Variants in FAM117A observed in about 807,000 individuals in gnomAD.
The protein encoded by FAM117A is family with sequence similarity 117 member A.
In FAM117A, 21 loss-of-function variants were observed where a neutral mutation model predicts 44.1. That is an observed-to-expected ratio of 0.48 (90% CI 0.34 to 0.69). The LOEUF (loss-of-function observed/expected upper bound fraction) is 0.69. FAM117A is among the 30% of genes least tolerant of loss of function. The pLI is 0.01. For synonymous variants in FAM117A, 220 were observed against 238.3 expected (o/e 0.92, Z 0.71); for missense variants, 498 against 589.9 (o/e 0.84, Z 1.61).
chr17:49,779,745 C>A (rs533829697), intron 1 of FAM117A, among the ~76,000 whole-genome samples: 1 of 152,304 alleles, frequency 6.6e-6, no homozygotes, highest in South Asian at 2.1e-4. Context: ...TGGATATATA[C>A]ATATCCTTGA....
chr17:49,711,636 G>A, intron 7 of FAM117A, 81 bp from the exon 8 acceptor site: 1 of 1,349,608 alleles, frequency 7.4e-7, no homozygotes. Flanking sequence ...AGATGTCACA[G>A]CATCAAGGCA....
At chr17:49,738,445 T>C (rs1229778956) in intron 1 of FAM117A, among the ~76,000 whole-genome samples, 2 of 151,962 alleles carry the variant, frequency 1.3e-5, no homozygotes, top group African/African-American at 4.8e-5. Context: ...GGGGAAAGGA[T>C]TGAGGAGAAA....
At chr17:49,779,172 A>C (rs2073782706) in intron 1 of FAM117A, among the ~76,000 whole-genome samples, 1 of 152,214 alleles carries the variant, frequency 6.6e-6, no homozygotes, top group South Asian at 2.1e-4. Context: ...AGTTAGCCAG[A>C]AGACAGACCA....
chr17:49,729,659 C>A (rs569781193), intron 2 of FAM117A, among the ~76,000 whole-genome samples: 2 of 152,066 alleles, frequency 1.3e-5, no homozygotes, highest in African/African-American at 4.8e-5. Context: ...ATGTGAGTCA[C>A]CATGCCCAGC....
rs1214839543 is a variant in FAM117A at position 49,711,417 on chromosome 17, G to A, written c.1200C>T (p.Asn400=). 3.7e-6 allele frequency: 6 copies of A among 1,613,568 alleles called. No homozygotes were observed. The South Asian group carries it at 6.6e-5, about 18-fold the overall frequency. ...LFPGMGFIFR[N]CPSNPGSPLP... ...GGGGAGATCCCGGGTTTGAGGGGCA[G>A]TTACGGAAGATGAAGCCCATGCCGG... Residue 400 remains asparagine, a synonymous_variant, in exon 8 of 8, where the codon AAC becomes AAT. Coordinates refer to ENST00000240364, the MANE Select transcript of FAM117A (RefSeq NM_030802.4).
chr17:49,788,792 C>T (rs757319366), upstream of FAM117A: 39 of 1,565,760 alleles, frequency 2.5e-5, 2 homozygotes, highest in South Asian at 4.2e-4. Flanking sequence ...CTGCTGCTGC[C>T]GCCGCTGCCC....
intron 7 of FAM117A, among the ~76,000 whole-genome samples, chr17:49,715,814 C>T (rs780743253): frequency 6.6e-6 from 1 of 152,144 alleles, no homozygotes; most frequent in East Asian, 1.9e-4. Context: ...CCATCTCTCG[C>T]TCTCGCTCTC....
chr17:49,734,314 C>T (rs1286848314), intron 1 of FAM117A, among the ~76,000 whole-genome samples: 2 of 151,242 alleles, frequency 1.3e-5, no homozygotes, highest in African/African-American at 2.4e-5. Flanking sequence ...ACACTAGGGC[C>T]GGGCGCAGTG....
chr17:49,770,740 C>CA (rs1281964263), intron 1 of FAM117A, among the ~76,000 whole-genome samples: 7 of 150,940 alleles, frequency 4.6e-5, no homozygotes, highest in African/African-American at 1.5e-4. Context: ...CCTGTCTCTA[C>CA]AAAAAATACA....
At chr17:49,765,870 C>A (rs1330020644), upstream of FAM117A, among the ~76,000 whole-genome samples, 1 of 152,132 alleles carries the variant, frequency 6.6e-6, no homozygotes, top group Non-Finnish European at 1.5e-5. Flanking sequence ...ATCCTCATGA[C>A]AATCTGGAAA....
intron 1 of FAM117A, among the ~76,000 whole-genome samples, chr17:49,733,609 G>C (rs968140034): frequency 3.9e-5 from 6 of 151,956 alleles, no homozygotes; most frequent in African/African-American, 1.5e-4. Flanking sequence ...GGAGGTGGAG[G>C]CTGCAGTGAG....
At chr17:49,745,123 A>C (rs2073650102) in intron 1 of FAM117A, among the ~76,000 whole-genome samples, 1 of 152,036 alleles carries the variant, frequency 6.6e-6, no homozygotes, top group Non-Finnish European at 1.5e-5. Context: ...TACAGAACCC[A>C]CAGATACAGA....
At chr17:49,749,943 A>C (rs1046137492) in intron 1 of FAM117A, among the ~76,000 whole-genome samples, 2 of 148,814 alleles carry the variant, frequency 1.3e-5, no homozygotes, top group African/African-American at 2.4e-5. Context: ...CTGATCACTT[A>C]ACTTCTCTGG....
At position 49,758,638 on chromosome 17, in the gene FAM117A, A is replaced by AAAT. The variant is rs1555598068; in HGVS notation, c.196+5253_196+5254insATT. On this transcript the variant is annotated intron_variant, in intron 1 of 7. Transcript: ENST00000240364. The stretch of plus-strand genomic sequence containing the variant: ...GACTGTCTCAAAAAAAAAAAAAAAT[A>AAAT]AAATAAATAAATAAATAAATAAATA... Among the ~76,000 whole-genome samples the AAAT allele has an allele frequency of 9.9e-4, 134 of 135,196 alleles. 1 individual carries two copies. The highest frequency in any genetic ancestry group is 3.7e-3 in the Middle Eastern group (1 of 270). The allele number at this position is 135,196 out of a possible 152,430, so 88.7% of individuals were successfully genotyped here. A position where few individuals can be genotyped will look rare whatever the true frequency, so the allele number is the denominator to read the frequency against.
intron 2 of FAM117A, among the ~76,000 whole-genome samples, chr17:49,724,166 A>T (rs1283221201): frequency 6.6e-6 from 1 of 152,144 alleles, no homozygotes; most frequent in Non-Finnish European, 1.5e-5. Flanking sequence ...AGTGAGGAGG[A>T]AGCCCATCTC....
At chr17:49,736,239 A>G (rs1041982234) in intron 1 of FAM117A, among the ~76,000 whole-genome samples, 2 of 151,168 alleles carry the variant, frequency 1.3e-5, no homozygotes, top group African/African-American at 4.9e-5. Context: ...CCTAGGTTAA[A>G]CCTCTTCAAA....
At chr17:49,728,923 C>T (rs1432641843) in intron 2 of FAM117A, among the ~76,000 whole-genome samples, 1 of 152,246 alleles carries the variant, frequency 6.6e-6, no homozygotes, top group African/African-American at 2.4e-5. Flanking sequence ...TATATCCGCA[C>T]GCTTCCTCTT....
At chr17:49,724,831 AAAAAAAAAGAAAGAAAGAAAAAAG>A (rs2073552426) in intron 2 of FAM117A, among the ~76,000 whole-genome samples, 1 of 151,394 alleles carries the variant, frequency 6.6e-6, no homozygotes, top group Non-Finnish European at 1.5e-5. Flanking sequence ...AGAAAAAAAA[AAAAAAAAAGAAAGAAAGAAAAAAG>A]AAAAAAAAGA....
intron 1 of FAM117A, among the ~76,000 whole-genome samples, chr17:49,758,634 AAATAAAAT>A (rs1224739241): frequency 1.6e-4 from 17 of 109,454 alleles, no homozygotes; most frequent in African/African-American, 6.6e-4. Context: ...AAAAAAAAAA[AAATAAAAT>A]AAATAAATAA....
Sources: allele counts gnomAD v4.1 joint callset (sites outside exome capture counted in the v4.1 genomes callset), GRCh38; gene constraint gnomAD v4.1.1; transcripts MANE v1.5; gene names NCBI Gene and HGNC (gene_info 2026-07-23, HGNC 2026-07-21).